UCP1: variants seen among roughly 807,000 people sequenced by gnomAD.
The protein encoded by UCP1 is mitochondrial brown fat uncoupling protein 1.
A neutral mutation model predicts 26.2 loss-of-function variants in UCP1; 24 were observed. The observed-to-expected ratio is 0.92, with a 90% CI of 0.66 to 1.29. The LOEUF (loss-of-function observed/expected upper bound fraction) is 1.29, where lower values mean the gene tolerates loss of function less well. Among genes scored for constraint, UCP1 ranks in the 50% most tolerant of loss-of-function variants. The probability of loss-of-function intolerance (pLI) is 0.00; values close to 1 mark genes in which losing one functional copy is unlikely to be tolerated. For synonymous variants in UCP1, 164 were observed against 156.8 expected, an observed-to-expected ratio of 1.05 and a Z score of -0.34; for missense variants, 402 against 388.7, an observed-to-expected ratio of 1.03 and a Z score of -0.29.
chr4:140,560,748 C>CAAAAA (rs5862487), intron 5 of UCP1, among the ~76,000 whole-genome samples: 12 of 146,774 alleles, frequency 8.2e-5, no homozygotes, highest in African/African-American at 2.5e-4. Context: ...TATTTTGCTG[C>CAAAAA]AAAAAAAAAA....
rs1443470045 is a variant in UCP1, at chr4:140,567,825, G to C, written c.279C>G (p.Ile93Met). The C allele has an allele frequency of 5.6e-6, 9 of 1,614,016 alleles. No individual in the cohort carries two copies. The highest frequency in any genetic ancestry group is 1.3e-5 in the African/African-American group (1 of 74,902). Reference protein sequence around the residue: ...QRQISSASLRIGLYDTVQEFL... With the variant: ...QRQISSASLRMGLYDTVQEFL... ...ACTCCTGGACCGTGTCGTAGAGGCC[G>C]ATCCTGAGAGAGGCGGAGCTGATTT... is the stretch of plus-strand genomic sequence containing the variant. Residue 93 changes from isoleucine (I) to methionine (M), a missense_variant, in exon 2 of 6, where the codon ATC (isoleucine) becomes ATG (methionine). Ile to Met is a conservative substitution (Grantham distance 10). Coordinates refer to ENST00000262999, the MANE Select transcript of UCP1 (RefSeq NM_021833.5).
At position 140,560,157 on chromosome 4, in the gene UCP1, A is replaced by G. The variant is rs1056062236; in HGVS notation, c.810-147T>C. On this transcript the variant is annotated intron_variant, in intron 5 of 5. Transcript: ENST00000262999. ...AACCTCGAGCTCCTGGGCTTAAGTG[A>G]TCCTCCCACCTGAGCCTCCTGGAGT... 27 of 690,110 alleles carry G rather than the reference A, an allele frequency of 3.9e-5. No homozygotes were observed. In the East Asian group the frequency reaches 5.1e-4, roughly 13 times the overall value. 42.7% of individuals were successfully genotyped at this position (690,110 alleles called of 1,614,324 possible).
chr4:140,568,344 G>T (rs1479244134), intron 1 of UCP1, among the ~76,000 whole-genome samples: 1 of 152,028 alleles, frequency 6.6e-6, no homozygotes, highest in Non-Finnish European at 1.5e-5. Context: ...AATACTAAGT[G>T]CACCCTAAAT....
At chr4:140,567,697 C>T in intron 2 of UCP1, 82 bp downstream of exon 2, 2 of 1,547,258 alleles carry the variant, frequency 1.3e-6, no homozygotes, top group Non-Finnish European at 1.8e-6. Flanking sequence ...GTTATGAAAA[C>T]CACTCCTCTG....
rs765244655 is a variant in UCP1 at position 140,562,338 on chromosome 4, C to G, written c.664G>C (p.Ala222Pro). The G allele has an allele frequency of 7.4e-6, 12 of 1,613,986 alleles. No homozygotes were observed. The South Asian group carries it at 1.2e-4, about 16-fold the overall frequency. The change falls in exon 5 of 6, where the codon GCT becomes CCT. Residue 222 changes from alanine (A) to proline (P), a missense_variant. Physicochemically the swap from Ala to Pro is conservative, Grantham distance 27. Coordinates refer to ENST00000262999, the MANE Select transcript of UCP1 (RefSeq NM_021833.5). ...VPCHLVSALI[A>P]GFCATAMSSP... is the part of the protein sequence containing the mutation. ...GACATAGCTGTTGCGCAAAATCCAGCGATAAGAGCCGACACCAAGTGGCAG... is the reference window on the plus strand; with the variant it reads ...GACATAGCTGTTGCGCAAAATCCAGGGATAAGAGCCGACACCAAGTGGCAG...
chr4:140,562,764 AG>A (rs1212802450), intron 4 of UCP1, among the ~76,000 whole-genome samples: 17 of 152,296 alleles, frequency 1.1e-4, no homozygotes, highest in African/African-American at 3.6e-4. Context: ...TTTTATAACT[AG>A]ATCTTTTGGA....
rs1324474209 is a variant in UCP1, at chr4:140,562,341, T to C, written c.661A>G (p.Ile221Val). Residue 221 changes from isoleucine (I) to valine (V), a missense_variant, in exon 5 of 6, where the codon ATC (isoleucine) becomes GTC (valine). Physicochemically the swap from Ile to Val is conservative, Grantham distance 29 (BLOSUM62 3). Coordinates refer to ENST00000262999, the MANE Select transcript of UCP1 (RefSeq NM_021833.5). Reference protein sequence around the residue: ...DVPCHLVSALIAGFCATAMSS... With the variant: ...DVPCHLVSALVAGFCATAMSS... ...ATAGCTGTTGCGCAAAATCCAGCGA[T>C]AAGAGCCGACACCAAGTGGCAGGGG... The C allele has an allele frequency of 2.5e-6, 4 of 1,613,974 alleles. No individual in the cohort carries two copies. The highest frequency in any genetic ancestry group is 2.7e-5 in the African/African-American group (2 of 74,906).
At chr4:140,561,055 C>T (rs1471282229) in intron 5 of UCP1, among the ~76,000 whole-genome samples, 2 of 151,936 alleles carry the variant, frequency 1.3e-5, no homozygotes, top group African/African-American at 4.8e-5. Context: ...TATTTCTTCC[C>T]CAAAAGGTTT....
intron 2 of UCP1, among the ~76,000 whole-genome samples, chr4:140,565,945 G>T (rs1465711149): frequency 6.6e-6 from 1 of 152,138 alleles, no homozygotes; most frequent in East Asian, 1.9e-4. Context: ...CCATAAGACT[G>T]TAGTGTAATG....
chr4:140,563,155 A>G lies in UCP1; in HGVS notation c.583T>C (p.Tyr195His), dbSNP rs544110432. ...VIINCTELVT[Y>H]DLMKEAFVKN... is the part of the protein sequence containing the mutation. Reference sequence around the variant, plus strand: ...ACAAAGGCCTCCTTCATTAGATCATATGTTACTAGCTCTGTACAATTGATG... The same window carrying G: ...ACAAAGGCCTCCTTCATTAGATCATGTGTTACTAGCTCTGTACAATTGATG... Residue 195 changes from tyrosine (Y) to histidine (H), a missense_variant, in exon 4 of 6, where the codon TAT (tyrosine) becomes CAT (histidine). Coordinates refer to ENST00000262999, the MANE Select transcript of UCP1 (RefSeq NM_021833.5). 7 of 1,613,854 alleles carry G rather than the reference A, an allele frequency of 4.3e-6. No individual in the cohort carries two copies. The South Asian group carries it at 7.7e-5, about 18-fold the overall frequency.
chr4:140,562,371 C>A lies in UCP1; in HGVS notation c.631G>T (p.Asp211Tyr). ...GCCGACACCAAGTGGCAGGGGACGT[C>A]ATCTAAAATGGATCGATGAAACAGG... ...AFVKNNILAD[D>Y]VPCHLVSALI... Residue 211 changes from aspartate to tyrosine, a missense_variant and splice_region_variant, in exon 5 of 6, where the codon GAC becomes TAC. By Grantham distance (160) the Asp-to-Tyr change is radical (BLOSUM62 -3). Transcript: ENST00000262999. 6.2e-7 allele frequency: 1 copy of A among 1,613,874 alleles called. No homozygotes were observed. Among genetic ancestry groups the A allele is most frequent in the South Asian group, 1.1e-5 (1 of 91,066 alleles).
intron 2 of UCP1, among the ~76,000 whole-genome samples, chr4:140,566,595 A>T (rs572906198): frequency 1.3e-5 from 2 of 152,358 alleles, no homozygotes; most frequent in African/African-American, 2.4e-5. Flanking sequence ...TATAACTTAT[A>T]TATTTGTATA....
At position 140,559,728 on chromosome 4, in the gene UCP1, A is replaced by T; in HGVS notation, c.*168T>A. ...AAGACACTGAGAAAAAAAAAAAGTT[A>T]TATGAAATAGGCATTAATTTTCCTC... On this transcript the variant is annotated 3_prime_UTR_variant, in exon 6 of 6. Transcript: ENST00000262999. The T allele has an allele frequency of 1.6e-6, 1 of 641,328 alleles. No individual in the cohort carries two copies. Among genetic ancestry groups the T allele is most frequent in the Non-Finnish European group, 2.7e-6 (1 of 374,490 alleles). 39.7% of individuals were successfully genotyped at this position (641,328 alleles called of 1,614,324 possible).
intron 2 of UCP1, among the ~76,000 whole-genome samples, chr4:140,566,058 A>G (rs887726503): frequency 6.6e-6 from 1 of 152,224 alleles, no homozygotes; most frequent in Non-Finnish European, 1.5e-5. Flanking sequence ...GCCTAGGAGC[A>G]ATAGATTATA....
chr4:140,562,129 T>G (rs2110907178), intron 5 of UCP1, 64 bp downstream of exon 5: 1 of 1,586,698 alleles, frequency 6.3e-7, no homozygotes, highest in East Asian at 2.2e-5. Flanking sequence ...TTGCTTGACA[T>G]GAGAGTGTCC....
chr4:140,567,452 T>C (rs959904600), intron 2 of UCP1, among the ~76,000 whole-genome samples: 30 of 152,344 alleles, frequency 2.0e-4, no homozygotes, highest in African/African-American at 7.0e-4. Flanking sequence ...ACAAGCTCCA[T>C]AGATGTTTCT....
rs1735637208 is a variant in UCP1, at chr4:140,559,763, TA to T, written c.*132del. On this transcript the variant is annotated 3_prime_UTR_variant, in exon 6 of 6. Transcript: ENST00000262999. ...GGCATTAATTTTCCTCTTTTTTATATAAAAAAGTCCAAAATTCTCTGCCAAA... is the reference window on the plus strand; with the variant it reads ...GGCATTAATTTTCCTCTTTTTTATATAAAAAGTCCAAAATTCTCTGCCAAA... The T allele has an allele frequency of 2.4e-6, 2 of 849,510 alleles. No homozygotes were observed. The highest frequency in any genetic ancestry group is 2.7e-5 in the East Asian group (1 of 37,578). The allele number at this position is 849,510 out of a possible 1,614,324, so 52.6% of individuals were successfully genotyped here.
chr4:140,563,306 G>A lies in UCP1; in HGVS notation c.526+12C>T. 1 of 1,613,906 alleles carries A rather than the reference G, an allele frequency of 6.2e-7. No individual in the cohort carries two copies. The highest frequency in any genetic ancestry group is 8.5e-7 in the Non-Finnish European group (1 of 1,179,956). The stretch of plus-strand genomic sequence containing the variant: ...CTTTGGTGGTTATAAAACCCATTTT[G>A]AAGTTAGTTACCTTTCCAAAGACCC... On this transcript the variant is annotated intron_variant, in intron 3 of 5. Transcript: ENST00000262999.
At chr4:140,568,553 C>T in intron 1 of UCP1, 51 bp downstream of exon 1, 1 of 1,612,026 alleles carries the variant, frequency 6.2e-7, no homozygotes, top group East Asian at 2.2e-5. Context: ...ATGCACGCAA[C>T]AGCGTCCCCT....
Sources: allele counts gnomAD v4.1 joint callset (sites outside exome capture counted in the v4.1 genomes callset), GRCh38; gene constraint gnomAD v4.1.1; transcripts MANE v1.5; gene names NCBI Gene and HGNC (gene_info 2026-07-23, HGNC 2026-07-21).